The following SPATA17 variants were observed in gnomAD, a reference collection of about 807,000 sequenced individuals.
SPATA17 encodes spermatogenesis-associated protein 17.
In SPATA17, 53 loss-of-function variants were observed where a neutral mutation model predicts 62.2. The observed-to-expected ratio is 0.85, with a 90% confidence interval of 0.68 to 1.07. The LOEUF is 1.07. Among genes scored for constraint, SPATA17 ranks in the 50% least tolerant of loss-of-function variants. The probability of loss-of-function intolerance (pLI) is 0.00; values close to 1 mark genes in which losing one functional copy is unlikely to be tolerated. For missense variants in SPATA17, 466 were observed against 425.5 expected (o/e 1.10, Z -0.84); for synonymous variants, 146 against 146.8 (o/e 0.99, Z 0.04).
chr1:217,793,561 G>T (rs1175597166), intron 8 of SPATA17, among the ~76,000 whole-genome samples: 7 of 152,056 alleles, frequency 4.6e-5, no homozygotes, highest in South Asian at 2.1e-4. Context: ...TCACCTTGAG[G>T]TTTAAAAATA....
intron 1 of SPATA17, among the ~76,000 whole-genome samples, chr1:217,647,685 T>G (rs1670216928): frequency 6.6e-6 from 1 of 152,122 alleles, no homozygotes; most frequent in South Asian, 2.1e-4. Context: ...AGGACAATAA[T>G]ATGATGCCAG....
intron 7 of SPATA17, among the ~76,000 whole-genome samples, chr1:217,775,447 G>A (rs1232878969): frequency 1.3e-5 from 2 of 152,164 alleles, no homozygotes; most frequent in Non-Finnish European, 2.9e-5. Flanking sequence ...GTTCACGCCT[G>A]TAATTCCAGC....
chr1:217,818,890 T>TC (rs1323876808), intron 9 of SPATA17, among the ~76,000 whole-genome samples: 3 of 150,934 alleles, frequency 2.0e-5, no homozygotes, highest in Admixed American at 2.0e-4. Context: ...TCCTTTTTTT[T>TC]TTTTTTTGGC....
rs1676124739 is a variant in SPATA17 at position 217,871,320 on chromosome 1, C to T, written c.*4301C>T. 1 of 152,040 alleles carries T rather than the reference C, an allele frequency of 6.6e-6. No homozygotes were observed. Among genetic ancestry groups the T allele is most frequent in the African/African-American group, 2.4e-5 (1 of 41,398 alleles). The allele number at this position is 152,040 out of a possible 1,614,324, so 9.4% of individuals were successfully genotyped here. ...TCTGTTTTTTCACATTTATGGCCTA[C>T]CTGTTACAGCTGCACGGTATCCATT... On this transcript the variant is annotated 3_prime_UTR_variant, in exon 11 of 11. Coordinates refer to ENST00000366933, the MANE Select transcript of SPATA17 (RefSeq NM_138796.4).
At chr1:217,781,334 G>T (rs1421567196) in intron 7 of SPATA17, 1 of 152,076 alleles carries the variant, frequency 6.6e-6, no homozygotes, top group Non-Finnish European at 1.5e-5. Context: ...AGAAATCTTT[G>T]TCCATTTAAT....
In SPATA17 at chr1:217,782,191, C is replaced by T; in HGVS notation, c.741C>T (p.Ile247=). Residue 247 remains isoleucine (I), a synonymous_variant, in exon 8 of 11, where the codon ATC becomes ATT. Transcript: ENST00000366933. ...CTTGTCAGGGGCCCTTCCGAGATAT[C>T]ACCGAAGTATTAGAACAACGCTACA... ...RKQCQGPFRD[I]TEVLEQRYRP... is the part of the protein sequence containing the mutation. The T allele has an allele frequency of 6.3e-7, 1 of 1,597,446 alleles. No homozygotes were observed. The highest frequency in any genetic ancestry group is 8.5e-7 in the Non-Finnish European group (1 of 1,173,896).
intron 4 of SPATA17, among the ~76,000 whole-genome samples, chr1:217,671,311 C>T (rs1023032725): frequency 6.6e-6 from 1 of 152,184 alleles, no homozygotes; most frequent in African/African-American, 2.4e-5. Flanking sequence ...AGACTGACTT[C>T]AGGATAAAAG....
At chr1:217,677,113 G>T (rs1670964455) in intron 4 of SPATA17, among the ~76,000 whole-genome samples, 1 of 152,004 alleles carries the variant, frequency 6.6e-6, no homozygotes, top group Non-Finnish European at 1.5e-5. Flanking sequence ...AGTAACAAGA[G>T]AAACAGTAGA....
chr1:217,808,791 G>A (rs1029179235), intron 9 of SPATA17, among the ~76,000 whole-genome samples: 6 of 151,584 alleles, frequency 4.0e-5, no homozygotes, highest in African/African-American at 1.5e-4. Flanking sequence ...GGAAGCAGAG[G>A]TTGCAGTGAG....
chr1:217,815,026 G>C (rs1014065604), intron 9 of SPATA17, among the ~76,000 whole-genome samples: 1 of 151,904 alleles, frequency 6.6e-6, no homozygotes, highest in Non-Finnish European at 1.5e-5. Flanking sequence ...TAAATTTGAA[G>C]GCCTCAATTT....
chr1:217,866,389 C>T (rs1356205010), intron 10 of SPATA17: 2 of 152,092 alleles, frequency 1.3e-5, no homozygotes, highest in African/African-American at 4.8e-5. Context: ...GGCAGATTTG[C>T]TAGACATTCC....
chr1:217,656,301 A>G (rs1011756859), intron 3 of SPATA17, among the ~76,000 whole-genome samples: 1 of 152,216 alleles, frequency 6.6e-6, no homozygotes, highest in Admixed American at 6.5e-5. Flanking sequence ...TTAAAAAAAT[A>G]CTTTTAAGAG....
At chr1:217,797,700 T>G (rs10495077) in intron 8 of SPATA17, among the ~76,000 whole-genome samples, 1,775 of 152,322 alleles carry the variant, frequency 0.012, 28 homozygotes, top group African/African-American at 0.04. Flanking sequence ...ATTTCCTCTT[T>G]ACATTCTTGC....
intron 7 of SPATA17, among the ~76,000 whole-genome samples, chr1:217,776,262 C>T (rs1673586600): frequency 6.6e-6 from 1 of 152,070 alleles, no homozygotes; most frequent in Non-Finnish European, 1.5e-5. Flanking sequence ...CCCGGAGAGC[C>T]ACAGGTCTAT....
In SPATA17 at chr1:217,801,907, T is replaced by C; in HGVS notation, c.1005+57T>C. On this transcript the variant is annotated intron_variant, in intron 9 of 10. Coordinates refer to ENST00000366933, the MANE Select transcript of SPATA17 (RefSeq NM_138796.4). ...CCTTTTTAAAAGCTAGAAATATACA[T>C]TAATTAGAGCAAATATAAATATTCT... is the stretch of plus-strand genomic sequence containing the variant. The C allele has an allele frequency of 2.7e-6, 4 of 1,455,124 alleles. No homozygotes were observed. In the South Asian group the frequency reaches 3.8e-5, roughly 14 times the overall value. The allele number at this position is 1,455,124 out of a possible 1,614,324, so 90.1% of individuals were successfully genotyped here.
At chr1:217,662,549 A>G (rs1670593487) in intron 3 of SPATA17, among the ~76,000 whole-genome samples, 1 of 152,166 alleles carries the variant, frequency 6.6e-6, no homozygotes, top group Non-Finnish European at 1.5e-5. Flanking sequence ...GCTTACCATT[A>G]TAACACTTCT....
intron 5 of SPATA17, among the ~76,000 whole-genome samples, chr1:217,714,656 T>G (rs1470466018): frequency 1.3e-5 from 2 of 151,714 alleles, no homozygotes; most frequent in African/African-American, 4.8e-5. Context: ...GCTAATTTTT[T>G]GTATTTTTTT....
At chr1:217,743,807 C>T (rs2102949478) in intron 6 of SPATA17, among the ~76,000 whole-genome samples, 1 of 152,168 alleles carries the variant, frequency 6.6e-6, no homozygotes, top group African/African-American at 2.4e-5. Context: ...TGAGGTTTCA[C>T]CGTGTTGGTC....
intron 5 of SPATA17, among the ~76,000 whole-genome samples, chr1:217,706,374 A>G (rs1671734821): frequency 6.6e-6 from 1 of 152,182 alleles, no homozygotes; most frequent in Non-Finnish European, 1.5e-5. Context: ...TCTTATCTCA[A>G]ATCATAATCC....
Sources: allele counts gnomAD v4.1 joint callset (sites outside exome capture counted in the v4.1 genomes callset), GRCh38; gene constraint gnomAD v4.1.1; transcripts MANE v1.5; gene names NCBI Gene and HGNC (gene_info 2026-07-23, HGNC 2026-07-21).